The following ZNF354A variants were observed in gnomAD, a reference collection of about 807,000 sequenced individuals.
ZNF354A encodes the protein epididymis luminal protein 104.
ZNF354A carries 25 observed loss-of-function variants against 53.3 expected under a neutral mutation model. The ratio of observed to expected loss-of-function variants is 0.47; its 90% CI spans 0.34 to 0.66. The LOEUF is 0.66. Ranked by LOEUF, ZNF354A falls within the 30% of genes least tolerant of loss-of-function variation. The pLI is 0.01. For synonymous variants in ZNF354A, 228 were observed against 249.0 expected (o/e 0.92, Z 0.79); for missense variants, 586 against 716.8 (o/e 0.82, Z 2.08).
rs571114047 is a variant in ZNF354A, at chr5:178,711,799, C to A, written c.*261G>T. The A allele has an allele frequency of 1.2e-4, 41 of 344,260 alleles. No individual in the cohort carries two copies. The highest frequency in any genetic ancestry group is 1.8e-4 in the Non-Finnish European group (35 of 192,332). 21.3% of individuals were successfully genotyped at this position (344,260 alleles called of 1,614,324 possible). The stretch of plus-strand genomic sequence containing the variant: ...TACGTCTGTAGGAAAAGGGAAAAAG[C>A]AAACCCATTTCACAAATGGCTAAAG... On this transcript the variant is annotated 3_prime_UTR_variant, in exon 5 of 5. Transcript: ENST00000335815.
At position 178,713,033 on chromosome 5, in the gene ZNF354A, C is replaced by T. The variant is rs1408465283; in HGVS notation, c.845G>A (p.Ser282Asn). 42 of 1,613,854 alleles carry T rather than the reference C, an allele frequency of 2.6e-5. No homozygotes were observed. Among genetic ancestry groups the T allele is most frequent in the Non-Finnish European group, 3.1e-5 (36 of 1,179,996 alleles). Residue 282 changes from serine to asparagine, a missense_variant, in exon 5 of 5, where the codon AGT becomes AAT. By Grantham distance (46) the Ser-to-Asn change is conservative (BLOSUM62 1). Transcript: ENST00000335815. Reference sequence around the variant, plus strand: ...TCTTAGATGTTTATAAAGGGATGTACTGAGAGTAAAGGCTTTCCCACATTC... The same window carrying T: ...TCTTAGATGTTTATAAAGGGATGTATTGAGAGTAAAGGCTTTCCCACATTC... ...CKECGKAFTL[S>N]TSLYKHLRTH...
In ZNF354A at chr5:178,712,570, C is replaced by T. The variant is rs1183414066; in HGVS notation, c.1308G>A (p.Lys436=). The stretch of plus-strand genomic sequence containing the variant: ...TACCACATTCATTACAATTATAAAA[C>T]TTCTCTCCAGTATGAATGATTCGGT... ...NRHRIIHTGE[K]FYNCNECGKA... is the part of the protein sequence containing the mutation. Residue 436 remains lysine (K), a synonymous_variant, in exon 5 of 5, where the codon AAG becomes AAA. Coordinates refer to ENST00000335815, the MANE Select transcript of ZNF354A (RefSeq NM_005649.3). 4 of 1,614,002 alleles carry T rather than the reference C, an allele frequency of 2.5e-6. No individual in the cohort carries two copies. In the African/African-American group the frequency reaches 4.0e-5, roughly 16 times the overall value.
rs1222362082 is a variant in ZNF354A at position 178,726,884 on chromosome 5, C to T, written c.160+115G>A. ...TTTATTTATAAAGATCTGATTTGTA[C>T]AATCCTCACACACTCAGCTCAAATT... is the stretch of plus-strand genomic sequence containing the variant. On this transcript the variant is annotated intron_variant, in intron 3 of 4. Coordinates refer to ENST00000335815, the MANE Select transcript of ZNF354A (RefSeq NM_005649.3). 8.4e-6 allele frequency: 12 copies of T among 1,434,144 alleles called. No individual in the cohort carries two copies. In the South Asian group the frequency reaches 1.1e-4, roughly 14 times the overall value. 88.8% of individuals were successfully genotyped at this position (1,434,144 alleles called of 1,614,324 possible). A position where few individuals can be genotyped will look rare whatever the true frequency, so the allele number is the denominator to read the frequency against.
At chr5:178,721,336 T>C (rs922182174) in intron 4 of ZNF354A, among the ~76,000 whole-genome samples, 1 of 152,176 alleles carries the variant, frequency 6.6e-6, no homozygotes, top group Non-Finnish European at 1.5e-5. Context: ...TACTGTAGGC[T>C]ACTGTAACAC....
At chr5:178,713,974 A>ATTT (rs1054905137) in intron 4 of ZNF354A, among the ~76,000 whole-genome samples, 6 of 139,690 alleles carry the variant, frequency 4.3e-5, no homozygotes, top group Non-Finnish European at 8.0e-5. Context: ...TGGAATCCTA[A>ATTT]TTTTTTTTTG....
chr5:178,718,944 G>A (rs189217148), intron 4 of ZNF354A, among the ~76,000 whole-genome samples: 1 of 152,252 alleles, frequency 6.6e-6, no homozygotes, highest in East Asian at 1.9e-4. Context: ...TGTTGCCCAG[G>A]CTGCACATTC....
intron 4 of ZNF354A, 38 bp downstream of exon 4, chr5:178,725,338 T>C (rs1765884414): frequency 6.3e-7 from 1 of 1,592,062 alleles, no homozygotes; most frequent in Admixed American, 1.7e-5. Flanking sequence ...ACCAGACCAT[T>C]GTCTGCGGCC....
At chr5:178,723,468 C>T (rs1397407280) in intron 4 of ZNF354A, among the ~76,000 whole-genome samples, 1 of 152,250 alleles carries the variant, frequency 6.6e-6, no homozygotes, top group African/African-American at 2.4e-5. Context: ...GGTGCTCCAC[C>T]TTCTCCTCGC....
chr5:178,728,048 A>G (rs954627465), intron 2 of ZNF354A, among the ~76,000 whole-genome samples: 3 of 152,072 alleles, frequency 2.0e-5, no homozygotes, highest in Non-Finnish European at 4.4e-5. Context: ...ACAGGGTTCC[A>G]CCATGCTGGT....
At position 178,713,989 on chromosome 5, in the gene ZNF354A, T is replaced by TTG. The variant is rs1765671876; in HGVS notation, c.257-369_257-368insCA. ...TGGAATCCTAATTTTTTTTTGTTTT[T>TTG]TTTTTTTGACATTTATCTTCTTTGT... is the stretch of plus-strand genomic sequence containing the variant. On this transcript the variant is annotated intron_variant, in intron 4 of 4. Coordinates refer to ENST00000335815, the MANE Select transcript of ZNF354A (RefSeq NM_005649.3). Among the ~76,000 whole-genome samples the TTG allele has an allele frequency of 7.2e-5, 11 of 151,770 alleles. No homozygotes were observed. In the South Asian group the frequency reaches 2.1e-3, roughly 29 times the overall value.
rs570684167 is a variant in ZNF354A, at chr5:178,724,208, G to A, written c.256+1168C>T. ...CCTGCCTCCCTCCATGACTGCAATC[G>A]CTCTGCAAGGCTTCCCGCCTTTTTT... On this transcript the variant is annotated intron_variant, in intron 4 of 4. Coordinates refer to ENST00000335815, the MANE Select transcript of ZNF354A (RefSeq NM_005649.3). Among the ~76,000 whole-genome samples, 23 of 149,114 alleles carry A rather than the reference G, an allele frequency of 1.5e-4. 1 individual carries two copies. The highest frequency in any genetic ancestry group is 1.1e-3 in the South Asian group (5 of 4,716).
chr5:178,720,354 G>A (rs1232532251), intron 4 of ZNF354A, among the ~76,000 whole-genome samples: 1 of 152,134 alleles, frequency 6.6e-6, no homozygotes, highest in Non-Finnish European at 1.5e-5. Flanking sequence ...GTCTTTGCAC[G>A]TTCAATCAAA....
chr5:178,722,488 T>C (rs1272763476), intron 4 of ZNF354A, among the ~76,000 whole-genome samples: 4 of 152,152 alleles, frequency 2.6e-5, no homozygotes, highest in Non-Finnish European at 5.9e-5. Context: ...CAAGCAAGCA[T>C]CCCTGACAAC....
intron 3 of ZNF354A, chr5:178,725,990 G>A: frequency 6.2e-6 from 2 of 320,478 alleles, no homozygotes; most frequent in South Asian, 5.1e-5. Flanking sequence ...GGGGACTACA[G>A]GAACATGCCA....
chr5:178,726,056 A>C lies in ZNF354A; in HGVS notation c.161-585T>G, dbSNP rs530707214. The stretch of plus-strand genomic sequence containing the variant: ...ACAGGGTTTCACCATGTTGGCCAGG[A>C]TGGTCTTGATCTTCTGACCTTGTGA... On this transcript the variant is annotated intron_variant, in intron 3 of 4. Transcript: ENST00000335815. The C allele has an allele frequency of 3.7e-5, 15 of 400,132 alleles. No individual in the cohort carries two copies. The Middle Eastern group carries it at 1.7e-3, about 47-fold the overall frequency. 24.8% of individuals were successfully genotyped at this position (400,132 alleles called of 1,614,324 possible).
At chr5:178,715,758 C>T (rs1394117522) in intron 4 of ZNF354A, among the ~76,000 whole-genome samples, 1 of 152,138 alleles carries the variant, frequency 6.6e-6, no homozygotes, top group Non-Finnish European at 1.5e-5. Flanking sequence ...GGTCCCTCAC[C>T]TTTGCTACAG....
chr5:178,717,369 C>T (rs908498382), intron 4 of ZNF354A, among the ~76,000 whole-genome samples: 1 of 151,964 alleles, frequency 6.6e-6, no homozygotes, highest in Non-Finnish European at 1.5e-5. Context: ...GAAGGAAGAG[C>T]TAGCGGGACC....
intron 2 of ZNF354A, among the ~76,000 whole-genome samples, chr5:178,727,977 A>C (rs917385554): frequency 3.9e-5 from 6 of 151,914 alleles, no homozygotes; most frequent in African/African-American, 1.5e-4. Context: ...CGGCCTCCTG[A>C]GTAGGTGGGA....
intron 4 of ZNF354A, among the ~76,000 whole-genome samples, chr5:178,723,216 G>A (rs1172357882): frequency 2.0e-5 from 3 of 152,248 alleles, no homozygotes; most frequent in Non-Finnish European, 4.4e-5. Flanking sequence ...CCCCAGCACA[G>A]GGGCTGTGGG....
Sources: gnomAD v4.1 joint callset for allele counts (sites outside exome capture counted in the v4.1 genomes callset) on GRCh38, gnomAD v4.1.1 for gene constraint, MANE v1.5 for transcripts, NCBI Gene and HGNC (gene_info 2026-07-23, HGNC 2026-07-21) for gene names.